LIPJ: variants seen among roughly 807,000 people sequenced by gnomAD.
LIPJ encodes lipase family member J, also known as lipase member J.
In LIPJ, 33 loss-of-function variants were observed where a neutral mutation model predicts 39.8. The ratio of observed to expected loss-of-function variants is 0.83; its 90% CI spans 0.63 to 1.11. The LOEUF (loss-of-function observed/expected upper bound fraction) is 1.11, where lower values mean the gene tolerates loss of function less well. Among genes scored for constraint, LIPJ ranks in the 50% least tolerant of loss-of-function variants. The probability of loss-of-function intolerance (pLI) is 0.00; values close to 1 mark genes in which losing one functional copy is unlikely to be tolerated. For synonymous variants in LIPJ, 128 were observed against 139.2 expected, an observed-to-expected ratio of 0.92 and a Z score of 0.57; for missense variants, 422 against 427.9, an observed-to-expected ratio of 0.99 and a Z score of 0.12.
chr10:88,601,349 C>A (rs569827637), intron 8 of LIPJ, among the ~76,000 whole-genome samples: 2 of 152,270 alleles, frequency 1.3e-5, no homozygotes, highest in Non-Finnish European at 2.9e-5. Flanking sequence ...CAAACCATGG[C>A]AGTTACCCTT....
chr10:88,586,439 CT>C (rs147524777), upstream of LIPJ, among the ~76,000 whole-genome samples: 2,200 of 152,150 alleles, frequency 0.014, 65 homozygotes, highest in African/African-American at 0.05. Flanking sequence ...TTTCCCTTGA[CT>C]TTTTTCCTAT....
chr10:88,612,613 A>G, the LIPJ span, among the ~76,000 whole-genome samples: 1 of 152,168 alleles, frequency 6.6e-6, no homozygotes, highest in Non-Finnish European at 1.5e-5. Flanking sequence ...CAAACTTTAA[A>G]GCAACAGCAG....
intron 6 of LIPJ, among the ~76,000 whole-genome samples, chr10:88,595,690 G>T (rs1322336645): frequency 1.3e-5 from 2 of 151,430 alleles, no homozygotes; most frequent in Non-Finnish European, 3.0e-5. Flanking sequence ...TGGCTTCTCA[G>T]AACCTGACCT....
chr10:88,584,278 AAG>A (rs1391109786), upstream of LIPJ: 1 of 152,234 alleles, frequency 6.6e-6, no homozygotes, highest in Non-Finnish European at 1.5e-5. Context: ...ATATATGACT[AAG>A]AAGACATTTT....
At chr10:88,591,281 C>A in intron 3 of LIPJ, 97 bp from the exon 4 acceptor site, 1 of 825,650 alleles carries the variant, frequency 1.2e-6, no homozygotes. Flanking sequence ...GAGAGAATAC[C>A]AAGGTTCATT....
At chr10:88,583,524 C>T, upstream of LIPJ, 5 of 1,165,766 alleles carry the variant, frequency 4.3e-6, no homozygotes, top group Non-Finnish European at 5.3e-6. Context: ...CGCAACAGAG[C>T]TGACGTTGAC....
In LIPJ at chr10:88,590,741, A is replaced by G. The variant is rs369605510; in HGVS notation, c.9+45A>G. On this transcript the variant is annotated intron_variant, in intron 3 of 10. Transcript: ENST00000371939. ...ATCTGGACTGCTGAAATAACAGAGAATGCTACTTTTCAAATTTGGAATTTT... is the reference window on the plus strand; with the variant it reads ...ATCTGGACTGCTGAAATAACAGAGAGTGCTACTTTTCAAATTTGGAATTTT... 1.4e-5 allele frequency: 21 copies of G among 1,489,950 alleles called. No homozygotes were observed. The African/African-American group carries it at 2.8e-4, about 20-fold the overall frequency. 92.3% of individuals were successfully genotyped at this position (1,489,950 alleles called of 1,614,324 possible).
intron 4 of LIPJ, 26 bp downstream of exon 4, chr10:88,591,524 G>A: frequency 1.3e-6 from 2 of 1,577,658 alleles, no homozygotes; most frequent in Non-Finnish European, 1.7e-6. Flanking sequence ...AGATGGATTG[G>A]TGACAATCTG....
intron 8 of LIPJ, among the ~76,000 whole-genome samples, chr10:88,599,713 A>G (rs923834951): frequency 6.6e-6 from 1 of 150,770 alleles, no homozygotes; most frequent in Admixed American, 6.6e-5. Context: ...ACACACACAT[A>G]TATATATATA....
At chr10:88,596,542 C>G in intron 7 of LIPJ, 126 bp downstream of exon 7, 1 of 1,026,734 alleles carries the variant, frequency 9.7e-7, no homozygotes, top group East Asian at 2.7e-5. Context: ...TTCATTTACA[C>G]TACATTCTTG....
At chr10:88,605,497 A>G (rs988871087) in intron 9 of LIPJ, 136 bp from the exon 10 acceptor site, 40 of 673,244 alleles carry the variant, frequency 5.9e-5, no homozygotes, top group Admixed American at 2.3e-4. Context: ...AAAGGAAAAG[A>G]AGAACGAAGA....
At chr10:88,620,437 A>T in the LIPJ span, among the ~76,000 whole-genome samples, 2 of 152,168 alleles carry the variant, frequency 1.3e-5, no homozygotes, top group African/African-American at 2.4e-5. Flanking sequence ...AAACTCAACT[A>T]TTTTTGCAAC....
the LIPJ span, among the ~76,000 whole-genome samples, chr10:88,613,810 G>GTGTGTT: frequency 1.7e-4 from 7 of 42,144 alleles, no homozygotes; most frequent in Non-Finnish European, 2.4e-4. Context: ...ATGTGTGTGT[G>GTGTGTT]TGTGTGTATA....
At chr10:88,591,424 T>C in exon 4 of LIPJ, 4 of 1,603,800 alleles carry the variant, frequency 2.5e-6, no homozygotes, top group Middle Eastern at 1.7e-4. Context: ...GAATATGATA[T>C]TGTAACCGAA....
chr10:88,597,044 C>T, intron 8 of LIPJ, 108 bp downstream of exon 8: 1 of 599,922 alleles, frequency 1.7e-6, no homozygotes, highest in Non-Finnish European at 2.8e-6. Context: ...CATCCACATA[C>T]ACTAGTAGTC....
At chr10:88,601,105 T>C (rs2134572987) in intron 8 of LIPJ, among the ~76,000 whole-genome samples, 1 of 152,132 alleles carries the variant, frequency 6.6e-6, no homozygotes, top group East Asian at 1.9e-4. Context: ...CACGCCACCA[T>C]GACTGGCTAA....
intron 10 of LIPJ, 41 bp from the exon 11 acceptor site, chr10:88,606,633 C>A (rs1380531395): frequency 1.7e-6 from 2 of 1,207,716 alleles, no homozygotes; most frequent in South Asian, 1.3e-5. Context: ...TCTACTGTAT[C>A]ATCTCCTATG....
chr10:88,623,122 G>A, the LIPJ span, among the ~76,000 whole-genome samples: 129 of 152,256 alleles, frequency 8.5e-4, 1 homozygote, highest in Non-Finnish European at 1.6e-3. Context: ...CAATCTGTAT[G>A]TTTTCTGACT....
intron 6 of LIPJ, 139 bp from the exon 7 acceptor site, chr10:88,596,141 G>T: frequency 1.8e-6 from 1 of 558,486 alleles, no homozygotes; most frequent in Non-Finnish European, 2.7e-6. Context: ...ATTTAAAAAT[G>T]TTTGATAAAT....
Sources: allele counts gnomAD v4.1 joint callset (sites outside exome capture counted in the v4.1 genomes callset), GRCh38; gene constraint gnomAD v4.1.1; transcripts MANE v1.5; gene names NCBI Gene and HGNC (gene_info 2026-07-23, HGNC 2026-07-21).